Variants in PCDH11X observed in about 807,000 individuals in gnomAD.
PCDH11X encodes the protein protocadherin-11 X-linked.
Under a neutral mutation model 53.3 loss-of-function variants are expected in PCDH11X, and 18 were observed. That is an observed-to-expected ratio of 0.34 (90% CI 0.23 to 0.50). The LOEUF is 0.50. Ranked by LOEUF, PCDH11X falls within the 20% of genes least tolerant of loss-of-function variation. PCDH11X has a pLI of 0.98. For missense variants in PCDH11X, 570 were observed against 1,032.4 expected (o/e 0.55, Z 6.14); for synonymous variants, 279 against 393.3 (o/e 0.71, Z 3.44).
chrX:92,534,133 C>T (rs771800243), intron 10 of PCDH11X, among the ~76,000 whole-genome samples: 1,250 of 104,893 alleles, frequency 0.012, 4 homozygotes, highest in Non-Finnish European at 0.018. Context: ...TTGAACCCAT[C>T]ACAAAGAAGT....
intron 6 of PCDH11X, among the ~76,000 whole-genome samples, chrX:92,194,746 G>GT (rs1279550380): frequency 9.1e-6 from 1 of 109,436 alleles, no homozygotes; most frequent in Non-Finnish European, 1.9e-5. Context: ...ATCTCATAGA[G>GT]ATATATGATC....
chrX:91,901,458 G>A (rs779533070), intron 6 of PCDH11X, among the ~76,000 whole-genome samples: 17 of 111,451 alleles, frequency 1.5e-4, no homozygotes, highest in African/African-American at 4.9e-4. Context: ...AAATGCCACC[G>A]TTCAGTGGTA....
intron 1 of PCDH11X, among the ~76,000 whole-genome samples, chrX:91,787,086 A>T (rs1485124432): frequency 1.9e-5 from 2 of 105,766 alleles, no homozygotes; most frequent in African/African-American, 6.9e-5. Context: ...GTACATGCTT[A>T]TATGCTTCTT....
At chrX:91,990,922 G>A (rs2062312478) in intron 6 of PCDH11X, among the ~76,000 whole-genome samples, 1 of 98,642 alleles carries the variant, frequency 1.0e-5, no homozygotes, top group Non-Finnish European at 2.0e-5. Context: ...CTCTGGTGGG[G>A]AGGAAGAAGG....
intron 8 of PCDH11X, among the ~76,000 whole-genome samples, chrX:92,323,594 T>C (rs2069261327): frequency 9.0e-6 from 1 of 110,950 alleles, no homozygotes; most frequent in South Asian, 3.8e-4. Flanking sequence ...TTATTATACT[T>C]TAAGTTTTAG....
At chrX:92,071,265 T>A (rs1014418668) in intron 6 of PCDH11X, among the ~76,000 whole-genome samples, 5 of 111,269 alleles carry the variant, frequency 4.5e-5, no homozygotes, top group African/African-American at 1.6e-4. Flanking sequence ...TGATCACGTG[T>A]GCTATTAAGA....
chrX:92,156,445 G>T (rs149688832), intron 6 of PCDH11X, among the ~76,000 whole-genome samples: 1,729 of 111,484 alleles, frequency 0.016, 32 homozygotes, highest in African/African-American at 0.054. Flanking sequence ...GTTAAAAATT[G>T]CAACTATACT....
chrX:91,841,405 T>C (rs1157861626), intron 5 of PCDH11X, among the ~76,000 whole-genome samples: 1 of 111,451 alleles, frequency 9.0e-6, no homozygotes, highest in African/African-American at 3.3e-5. Context: ...GAAGAACAAA[T>C]GTGTTCCCAA....
At chrX:92,016,115 C>CT (rs34095778) in intron 6 of PCDH11X, among the ~76,000 whole-genome samples, 1 of 112,707 alleles carries the variant, frequency 8.9e-6, no homozygotes, top group African/African-American at 3.2e-5. Flanking sequence ...TGAAATTAAT[C>CT]TTTTTTTTAG....
intron 7 of PCDH11X, among the ~76,000 whole-genome samples, chrX:92,255,820 A>G (rs997168576): frequency 1.8e-5 from 2 of 112,169 alleles, no homozygotes; most frequent in Non-Finnish European, 3.8e-5. Context: ...TACTGGGAGA[A>G]CCACTGCTCT....
chrX:92,611,687 T>C (rs1338779537), intron 10 of PCDH11X, among the ~76,000 whole-genome samples: 3 of 103,046 alleles, frequency 2.9e-5, no homozygotes, highest in Admixed American at 1.1e-4. Flanking sequence ...TTCTAGTTTT[T>C]GCCTGTTTAG....
At chrX:92,192,912 T>C (rs1340047381) in intron 6 of PCDH11X, among the ~76,000 whole-genome samples, 2 of 111,309 alleles carry the variant, frequency 1.8e-5, no homozygotes, top group African/African-American at 6.5e-5. Flanking sequence ...CTAATTTTTG[T>C]ATTTTTAGTA....
At chrX:92,314,108 T>C (rs1214076652) in intron 8 of PCDH11X, among the ~76,000 whole-genome samples, 1 of 112,560 alleles carries the variant, frequency 8.9e-6, no homozygotes, top group Non-Finnish European at 1.9e-5. Context: ...TTTTTAAATA[T>C]TTTGAACTCT....
At chrX:92,433,944 A>G (rs1293404103) in intron 9 of PCDH11X, among the ~76,000 whole-genome samples, 1 of 110,352 alleles carries the variant, frequency 9.1e-6, no homozygotes, top group African/African-American at 3.3e-5. Context: ...TAGCCTTCCT[A>G]TAAGCAGAAT....
chrX:91,923,894 TG>T (rs1265016621), intron 6 of PCDH11X, among the ~76,000 whole-genome samples: 11 of 109,210 alleles, frequency 1.0e-4, no homozygotes, highest in African/African-American at 3.3e-4. Flanking sequence ...ACTACTAGAG[TG>T]GGGGGGAGCT....
intron 1 of PCDH11X, among the ~76,000 whole-genome samples, chrX:91,789,200 C>CA (rs764959497): frequency 0.043 from 2,035 of 46,832 alleles, 84 homozygotes; most frequent in Admixed American, 0.084. Flanking sequence ...GACTCCGTCT[C>CA]AAAAAAAAAA....
intron 6 of PCDH11X, among the ~76,000 whole-genome samples, chrX:91,977,320 G>A (rs141595733): frequency 3.1e-4 from 35 of 111,753 alleles, no homozygotes; most frequent in African/African-American, 1.0e-3. Flanking sequence ...TTCAGCCACC[G>A]TCAGCCTTAC....
chrX:92,046,713 G>T (rs1234719462), intron 6 of PCDH11X, among the ~76,000 whole-genome samples: 1 of 110,841 alleles, frequency 9.0e-6, no homozygotes, highest in Non-Finnish European at 1.9e-5. Flanking sequence ...TTACTAGAAA[G>T]ACAATGCAAA....
At chrX:92,085,381 A>AC (rs1228912601) in intron 6 of PCDH11X, among the ~76,000 whole-genome samples, 23 of 108,241 alleles carry the variant, frequency 2.1e-4, no homozygotes, top group African/African-American at 7.8e-4. Context: ...AACAAAATTA[A>AC]CCTTTCATTG....
Sources: allele counts gnomAD v4.1 joint callset (sites outside exome capture counted in the v4.1 genomes callset), GRCh38; gene constraint gnomAD v4.1.1; transcripts MANE v1.5; gene names NCBI Gene and HGNC (gene_info 2026-07-23, HGNC 2026-07-21).